PCIF1: variants seen among roughly 807,000 people sequenced by gnomAD.
The protein encoded by PCIF1 is mRNA (2'-O-methyladenosine-N(6)-)-methyltransferase.
In PCIF1, 12 loss-of-function variants were observed where a neutral mutation model predicts 86.9. The observed-to-expected ratio is 0.14, with a 90% CI of 0.09 to 0.22. PCIF1 has a LOEUF of 0.22. PCIF1 is among the 10% of genes least tolerant of loss of function. The pLI is 1.00. For missense variants in PCIF1, 701 were observed against 951.1 expected (o/e 0.74, Z 3.46); for synonymous variants, 397 against 372.0 (o/e 1.07, Z -0.77).
At position 45,942,788 on chromosome 20, in the gene PCIF1, T is replaced by TTTTTTTTC. The variant is rs745379436; in HGVS notation, c.674-304_674-303insTTCTTTTT. 1.2e-4 allele frequency among the ~76,000 whole-genome samples: 17 copies of TTTTTTTTC among 140,700 alleles called. 2 individuals are homozygous for TTTTTTTTC. The highest frequency in any genetic ancestry group is 4.3e-4 in the Admixed American group (6 of 14,070). The allele number at this position is 140,700 out of a possible 152,430, so 92.3% of individuals were successfully genotyped here. On this transcript the variant is annotated intron_variant, in intron 7 of 16. Coordinates refer to ENST00000372409, the MANE Select transcript of PCIF1 (RefSeq NM_022104.4). ...TTTCTTTTTTTTTTTTTTTTTTTTTTTTTTTGTAGAGACAGGCTGTTACTG... is the reference window on the plus strand; with the variant it reads ...TTTCTTTTTTTTTTTTTTTTTTTTTTTTTTTTTCTTTTTGTAGAGACAGGCTGTTACTG...
rs762458890 is a variant in PCIF1 at position 45,943,447 on chromosome 20, C to A, written c.905+24C>A. The A allele has an allele frequency of 6.9e-6, 11 of 1,602,282 alleles. No homozygotes were observed. In the East Asian group the frequency reaches 2.0e-4, roughly 29 times the overall value. ...AGGTTTGCCTGTCTTCTGCCCCAGGCGAGATGGGTCTGTGATTAAAGTGGC... is the reference window on the plus strand; with the variant it reads ...AGGTTTGCCTGTCTTCTGCCCCAGGAGAGATGGGTCTGTGATTAAAGTGGC... On this transcript the variant is annotated intron_variant, in intron 9 of 16. Transcript: ENST00000372409. This position sits in a 1 kb window ranked among gnomAD's most constrained non-coding sequence, Gnocchi z 5.5.
intron 11 of PCIF1, 86 bp downstream of exon 11, chr20:45,945,116 G>A: frequency 6.9e-7 from 1 of 1,442,958 alleles, no homozygotes; most frequent in Non-Finnish European, 9.2e-7. Flanking sequence ...GAGCCTCAAG[G>A]CCAGGGACTG....
intron 2 of PCIF1, 21 bp from the exon 3 acceptor site, chr20:45,938,960 C>G: frequency 6.2e-7 from 1 of 1,611,884 alleles, no homozygotes; most frequent in African/African-American, 1.3e-5. Flanking sequence ...AGCTGACACT[C>G]TTTGGTCCTC....
chr20:45,941,252 T>G (rs758746564), intron 7 of PCIF1, 45 bp downstream of exon 7: 2 of 1,551,376 alleles, frequency 1.3e-6, no homozygotes, highest in Non-Finnish European at 1.7e-6. Flanking sequence ...CACCCACCTT[T>G]AGCATGAGCC....
intron 10 of PCIF1, 129 bp from the exon 11 acceptor site, chr20:45,944,739 C>T: frequency 1.0e-6 from 1 of 971,406 alleles, no homozygotes; most frequent in Non-Finnish European, 1.5e-6. Flanking sequence ...CCAAGTGACA[C>T]AGCTAGTCAG....
rs752842439 is a variant in PCIF1 at position 45,947,786 on chromosome 20, G to T, written c.*31G>T. The T allele has an allele frequency of 4.4e-6, 7 of 1,586,512 alleles. No individual in the cohort carries two copies. In the Admixed American group the frequency reaches 5.3e-5, roughly 12 times the overall value. ...CCTGCGGGGAGGAGGAGCCCCAGGG[G>T]TGCTAGTCTGGACTGCTGGGACTCG... On this transcript the variant is annotated 3_prime_UTR_variant, in exon 17 of 17. Coordinates refer to ENST00000372409, the MANE Select transcript of PCIF1 (RefSeq NM_022104.4). The surrounding 1 kb of genome is among the most constrained non-coding windows in gnomAD (Gnocchi z 5.4).
intron 12 of PCIF1, 69 bp downstream of exon 12, chr20:45,945,952 A>T (rs753481430): frequency 2.1e-4 from 345 of 1,612,720 alleles, no homozygotes; most frequent in Non-Finnish European, 2.8e-4. Flanking sequence ...TCCTGAGCAG[A>T]GTCCCCAGCA....
chr20:45,942,795 T>G (rs1413172799), intron 7 of PCIF1, among the ~76,000 whole-genome samples: 1 of 135,554 alleles, frequency 7.4e-6, no homozygotes, highest in Non-Finnish European at 1.6e-5. Flanking sequence ...TTTTTTTTTG[T>G]AGAGACAGGC....
intron 12 of PCIF1, 71 bp from the exon 13 acceptor site, chr20:45,945,958 C>T (rs1043128050): frequency 9.4e-5 from 151 of 1,612,796 alleles, no homozygotes; most frequent in Non-Finnish European, 1.2e-4. Context: ...GCAGAGTCCC[C>T]AGCAGGAGGC....
intron 2 of PCIF1, 144 bp downstream of exon 2, chr20:45,937,729 G>A (rs2083438516): frequency 2.5e-6 from 1 of 397,090 alleles, no homozygotes; most frequent in Admixed American, 4.4e-5. Flanking sequence ...TTGTTATCAA[G>A]GCACTTTTTG....
At chr20:45,944,636 A>T (rs1399070677) in intron 10 of PCIF1, among the ~76,000 whole-genome samples, 1 of 152,254 alleles carries the variant, frequency 6.6e-6, no homozygotes, top group African/African-American at 2.4e-5. Flanking sequence ...CCTTAAGGGA[A>T]ATGATCACAT....
chr20:45,937,691 G>A (rs186958788), intron 2 of PCIF1, 106 bp downstream of exon 2: 409 of 397,950 alleles, frequency 1.0e-3, no homozygotes, highest in African/African-American at 7.4e-3. Flanking sequence ...CATTTTTTTC[G>A]TACCTTGGTC....
intron 10 of PCIF1, among the ~76,000 whole-genome samples, 154 bp from the exon 11 acceptor site, chr20:45,944,714 A>G (rs2145335934): frequency 6.6e-6 from 1 of 152,362 alleles, no homozygotes. Context: ...GATTGAGAGA[A>G]GCCAGGGGAT....
chr20:45,937,424 A>G lies in PCIF1; in HGVS notation c.-181A>G. The G allele has an allele frequency of 2.5e-6, 1 of 399,186 alleles. No homozygotes were observed. The highest frequency in any genetic ancestry group is 4.4e-6 in the Non-Finnish European group (1 of 226,238). 24.7% of individuals were successfully genotyped at this position (399,186 alleles called of 1,614,324 possible). On this transcript the variant is annotated 5_prime_UTR_variant, in exon 2 of 17. The change abolishes an upstream ATG in the 5' untranslated region. Transcript: ENST00000372409. ...TTTCCTATTTGCTTTCCAGCTGCTGATGCAAGGAATCCCCTGGGCTCCCGT... is the reference window on the plus strand; with the variant it reads ...TTTCCTATTTGCTTTCCAGCTGCTGGTGCAAGGAATCCCCTGGGCTCCCGT...
intron 1 of PCIF1, among the ~76,000 whole-genome samples, chr20:45,935,655 G>A (rs529361262): frequency 6.6e-6 from 1 of 152,218 alleles, no homozygotes; most frequent in Non-Finnish European, 1.5e-5. Flanking sequence ...AATTAAAAAT[G>A]GTTTTAATTG....
rs970090032 is a variant in PCIF1, at chr20:45,934,777, C to T, written c.-215C>T. 1.4e-4 allele frequency: 55 copies of T among 398,342 alleles called. No homozygotes were observed. The highest frequency in any genetic ancestry group is 1.1e-3 in the African/African-American group (54 of 48,584). The allele number at this position is 398,342 out of a possible 1,614,324, so 24.7% of individuals were successfully genotyped here. On this transcript the variant is annotated 5_prime_UTR_variant, in exon 1 of 17. Transcript: ENST00000372409. ...CGGGCGGTCGAGCAGAACGTGTAGC[C>T]GCGTCCCCTCCAGTCCGCTCCGGGC...
At chr20:45,934,961 C>T (rs1406436589) in intron 1 of PCIF1, among the ~76,000 whole-genome samples, 157 bp downstream of exon 1, 3 of 152,022 alleles carry the variant, frequency 2.0e-5, no homozygotes, top group Non-Finnish European at 4.4e-5. Context: ...GGTGGGCGGC[C>T]GCGCCGGTGG....
rs199768942 is a variant in PCIF1, at chr20:45,941,058, A to T, written c.524A>T (p.Tyr175Phe). The T allele has an allele frequency of 1.2e-6, 2 of 1,614,156 alleles. No homozygotes were observed. Among genetic ancestry groups the T allele is most frequent in the Non-Finnish European group, 1.7e-6 (2 of 1,180,024 alleles). The stretch of plus-strand genomic sequence containing the variant: ...ACTCCTCTCTGTGCCCCAAGGGTCT[A>T]CTGGGACCTGGACATCCAGACCAAT... ...QAALLRPTEVYWDLDIQTNAV... is the reference protein window; with the variant it reads ...QAALLRPTEVFWDLDIQTNAV... The change falls in exon 7 of 17, where the codon TAC (tyrosine) becomes TTC (phenylalanine). Residue 175 changes from tyrosine (Y) to phenylalanine (F), a missense_variant. Coordinates refer to ENST00000372409, the MANE Select transcript of PCIF1 (RefSeq NM_022104.4).
intron 2 of PCIF1, chr20:45,937,852 A>C (rs2083439602): frequency 3.0e-6 from 1 of 332,676 alleles, no homozygotes; most frequent in South Asian, 1.6e-4. Context: ...TGGAGTGTAC[A>C]ATAAAATCAG....
Sources: allele counts gnomAD v4.1 joint callset (sites outside exome capture counted in the v4.1 genomes callset), GRCh38; gene constraint gnomAD v4.1.1; non-coding constraint Gnocchi (gnomAD v3.1); transcripts MANE v1.5; gene names NCBI Gene and HGNC (gene_info 2026-07-23, HGNC 2026-07-21).